The following CSMD3 variants were observed in gnomAD, a reference collection of about 807,000 sequenced individuals.
CSMD3 encodes CUB and sushi domain-containing protein 3.
CSMD3 carries 177 observed loss-of-function variants against 435.2 expected under a neutral mutation model. The ratio of observed to expected loss-of-function variants is 0.41; its 90% CI spans 0.36 to 0.46. CSMD3 has a LOEUF of 0.46. CSMD3 is among the 20% of genes least tolerant of loss of function. The probability of loss-of-function intolerance (pLI) is 0.34; values close to 1 mark genes in which losing one functional copy is unlikely to be tolerated. For missense variants in CSMD3, 4,265 were observed against 4,504.6 expected (o/e 0.95, Z 1.52); for synonymous variants, 1,656 against 1,520.5 (o/e 1.09, Z -2.07).
intron 38 of CSMD3, among the ~76,000 whole-genome samples, chr8:112,379,523 A>G (rs1829275748): frequency 6.6e-6 from 1 of 152,146 alleles, no homozygotes; most frequent in Admixed American, 6.6e-5. Flanking sequence ...GAAAAGATAC[A>G]AAAGACACAA....
intron 13 of CSMD3, among the ~76,000 whole-genome samples, chr8:112,691,116 A>G (rs1382715818): frequency 1.3e-5 from 2 of 152,128 alleles, no homozygotes; most frequent in African/African-American, 4.8e-5. Context: ...TGTACATCAT[A>G]CTTTAACTTT....
intron 10 of CSMD3, among the ~76,000 whole-genome samples, chr8:112,896,187 A>T (rs932239949): frequency 5.3e-5 from 8 of 151,420 alleles, no homozygotes; most frequent in African/African-American, 1.9e-4. Flanking sequence ...CCACTGTCTT[A>T]TAAAGAAGTC....
chr8:112,408,292 T>C, intron 34 of CSMD3, 26 bp downstream of exon 34: 1 of 1,286,760 alleles, frequency 7.8e-7, no homozygotes, highest in East Asian at 2.3e-5. Flanking sequence ...TTCCTTAGTG[T>C]GTTTCTAGAC....
rs539102885 is a variant in CSMD3 at position 113,004,436 on chromosome 8, T to C, written c.1030+14631A>G. Among the ~76,000 whole-genome samples the C allele has an allele frequency of 2.0e-5, 3 of 152,088 alleles. No homozygotes were observed. In the East Asian group the frequency reaches 5.8e-4, roughly 29 times the overall value. ...CAAAGGTATATTAAAGCATTCAACA[T>C]CCAAAGAAAATATGTGAGAGAAAAG... On this transcript the variant is annotated intron_variant, in intron 6 of 70. Transcript: ENST00000297405.
At chr8:112,827,559 G>T (rs1427926440) in intron 12 of CSMD3, among the ~76,000 whole-genome samples, 2 of 152,076 alleles carry the variant, frequency 1.3e-5, no homozygotes, top group African/African-American at 4.8e-5. Context: ...GCATGTGATA[G>T]GATCTAACAA....
intron 32 of CSMD3, among the ~76,000 whole-genome samples, chr8:112,467,493 C>A (rs57965169): frequency 0.017 from 2,643 of 151,674 alleles, 80 homozygotes; most frequent in African/African-American, 0.06. Flanking sequence ...CTTTATACAG[C>A]AACTTATATT....
intron 4 of CSMD3, among the ~76,000 whole-genome samples, chr8:113,128,927 T>G (rs911922114): frequency 2.6e-5 from 4 of 152,116 alleles, no homozygotes; most frequent in African/African-American, 9.7e-5. Context: ...TGATACTTTA[T>G]CAAATTGCAA....
intron 7 of CSMD3, among the ~76,000 whole-genome samples, chr8:112,972,763 G>C (rs2084704454): frequency 1.3e-5 from 2 of 151,852 alleles, no homozygotes; most frequent in Admixed American, 1.3e-4. Flanking sequence ...CTATTGGTCA[G>C]AAACTGTACT....
chr8:112,297,421 T>G (rs1417520822), intron 53 of CSMD3, among the ~76,000 whole-genome samples: 1 of 152,020 alleles, frequency 6.6e-6, no homozygotes, highest in Non-Finnish European at 1.5e-5. Context: ...GAAATGAAGT[T>G]TGGCTAAATA....
At chr8:112,677,803 T>C (rs941114915) in intron 16 of CSMD3, among the ~76,000 whole-genome samples, 12 of 152,020 alleles carry the variant, frequency 7.9e-5, no homozygotes, top group Non-Finnish European at 1.8e-4. Context: ...TGCAAAATGA[T>C]TCTTAAGGCC....
At chr8:112,421,557 T>C in intron 32 of CSMD3, among the ~76,000 whole-genome samples, 1 of 45,466 alleles carries the variant, frequency 2.2e-5, no homozygotes. Flanking sequence ...GATATATATA[T>C]ATGTTATATA....
intron 3 of CSMD3, among the ~76,000 whole-genome samples, chr8:113,241,787 T>C (rs148987977): frequency 1.3e-5 from 2 of 151,934 alleles, no homozygotes; most frequent in East Asian, 3.9e-4. Context: ...AAAATTTGAG[T>C]GGGAAGATTC....
At chr8:113,225,344 T>C (rs2093014770) in intron 3 of CSMD3, among the ~76,000 whole-genome samples, 1 of 151,478 alleles carries the variant, frequency 6.6e-6, no homozygotes, top group African/African-American at 2.4e-5. Flanking sequence ...CCACTAGTGT[T>C]ACCTTTTAGT....
chr8:113,384,043 G>A (rs2094429063), intron 1 of CSMD3, among the ~76,000 whole-genome samples: 1 of 152,188 alleles, frequency 6.6e-6, no homozygotes. Context: ...AATTTATAGG[G>A]TGTGTTCATC....
At chr8:112,270,014 G>A (rs746831089) in intron 59 of CSMD3, among the ~76,000 whole-genome samples, 1 of 152,134 alleles carries the variant, frequency 6.6e-6, no homozygotes, top group Non-Finnish European at 1.5e-5. Context: ...CATGTCTGGA[G>A]TTAGAAACAA....
In CSMD3 at chr8:112,514,065, G is replaced by A. The variant is rs531443161; in HGVS notation, c.4756+2969C>T. Among the ~76,000 whole-genome samples, 276 of 151,928 alleles carry A rather than the reference G, an allele frequency of 1.8e-3. 1 individual carries two copies. Among genetic ancestry groups the A allele is most frequent in the Non-Finnish European group, 2.4e-3 (165 of 67,940 alleles). ...TTTTTATTCTATTACTTAAATTATT[G>A]TTTTTCTTCTAGAGACAAGGTCTTA... is the stretch of plus-strand genomic sequence containing the variant. On this transcript the variant is annotated intron_variant, in intron 28 of 70. Coordinates refer to ENST00000297405, the MANE Select transcript of CSMD3 (RefSeq NM_198123.2).
intron 13 of CSMD3, among the ~76,000 whole-genome samples, chr8:112,715,963 A>G (rs1188828699): frequency 6.6e-6 from 1 of 152,226 alleles, no homozygotes; most frequent in African/African-American, 2.4e-5. Context: ...CCCACAGCCA[A>G]TATCACACTG....
intron 5 of CSMD3, among the ~76,000 whole-genome samples, chr8:113,071,130 T>C (rs1032861279): frequency 7.2e-5 from 11 of 152,050 alleles, no homozygotes; most frequent in African/African-American, 1.9e-4. Context: ...TTGGGAAATA[T>C]CTGTTCAAGC....
chr8:112,916,610 A>G (rs1299318166), intron 10 of CSMD3, among the ~76,000 whole-genome samples: 3 of 151,934 alleles, frequency 2.0e-5, no homozygotes, highest in African/African-American at 7.2e-5. Context: ...CCACAAAACT[A>G]AGAAGGCATC....
Sources: allele counts gnomAD v4.1 joint callset (sites outside exome capture counted in the v4.1 genomes callset), GRCh38; gene constraint gnomAD v4.1.1; transcripts MANE v1.5; gene names NCBI Gene and HGNC (gene_info 2026-07-23, HGNC 2026-07-21).